The following ARHGEF10L variants were observed in gnomAD, a reference collection of about 807,000 sequenced individuals.
ARHGEF10L encodes the protein rho guanine nucleotide exchange factor 10-like protein.
In ARHGEF10L, 69 loss-of-function variants were observed where a neutral mutation model predicts 141.2. The observed-to-expected ratio is 0.49, with a 90% CI of 0.40 to 0.60. The LOEUF (loss-of-function observed/expected upper bound fraction) is 0.60. Ranked by LOEUF, ARHGEF10L falls within the 20% of genes least tolerant of loss-of-function variation. The pLI is 0.00. For synonymous variants in ARHGEF10L, 711 were observed against 718.5 expected, an observed-to-expected ratio of 0.99 and a Z score of 0.17; for missense variants, 1,482 against 1,734.3, an observed-to-expected ratio of 0.85 and a Z score of 2.58.
intron 4 of ARHGEF10L, among the ~76,000 whole-genome samples, chr1:17,599,647 C>G (rs1342711059): frequency 6.6e-6 from 1 of 152,176 alleles, no homozygotes; most frequent in Non-Finnish European, 1.5e-5. Flanking sequence ...CCATCACCCA[C>G]CTTCCTGGTC....
intron 18 of ARHGEF10L, among the ~76,000 whole-genome samples, chr1:17,636,813 C>T (rs2061029588): frequency 6.6e-6 from 1 of 152,148 alleles, no homozygotes; most frequent in Non-Finnish European, 1.5e-5. Flanking sequence ...AAGGCTTCCC[C>T]TCCACTCCCC....
chr1:17,684,624 A>G (rs989552545), intron 26 of ARHGEF10L, among the ~76,000 whole-genome samples: 1 of 152,274 alleles, frequency 6.6e-6, no homozygotes, highest in African/African-American at 2.4e-5. Context: ...GAGCATGCCC[A>G]GCTTGATACA....
chr1:17,618,060 G>C (rs899211532), intron 9 of ARHGEF10L, among the ~76,000 whole-genome samples: 2 of 152,240 alleles, frequency 1.3e-5, no homozygotes, highest in African/African-American at 4.8e-5. Flanking sequence ...GGCACAGGCT[G>C]GGTGCTCAGT....
chr1:17,681,440 G>C (rs2064121612), intron 26 of ARHGEF10L, among the ~76,000 whole-genome samples: 1 of 152,216 alleles, frequency 6.6e-6, no homozygotes, highest in Admixed American at 6.5e-5. Context: ...ATCACAGGCA[G>C]CCTTTGGTTT....
Position 17,623,531 on chromosome 1 carries a change from G to A in ARHGEF10L, c.1200+356G>A, listed in dbSNP as rs2060219577. Reference sequence around the variant, plus strand: ...GGGTTTCAAGCCAGTGTGAAATGCTGTGAAAGACCACAACTTTGGCCCGGA... The same window carrying A: ...GGGTTTCAAGCCAGTGTGAAATGCTATGAAAGACCACAACTTTGGCCCGGA... On this transcript the variant is annotated intron_variant, in intron 12 of 28. Transcript: ENST00000361221. The surrounding 1 kb of genome is among the most constrained non-coding windows in gnomAD (Gnocchi z 4.7). Among the ~76,000 whole-genome samples the A allele has an allele frequency of 6.6e-6, 1 of 152,196 alleles. No homozygotes were observed. Among genetic ancestry groups the A allele is most frequent in the South Asian group, 2.1e-4 (1 of 4,832 alleles).
intron 18 of ARHGEF10L, among the ~76,000 whole-genome samples, chr1:17,635,692 A>G (rs1557887958): frequency 6.6e-6 from 1 of 152,008 alleles, no homozygotes. Flanking sequence ...CCTCTGGTAC[A>G]TTTTCCCCTT....
At chr1:17,602,827 T>C (rs2080818949) in intron 5 of ARHGEF10L, among the ~76,000 whole-genome samples, 1 of 152,050 alleles carries the variant, frequency 6.6e-6, no homozygotes, top group African/African-American at 2.4e-5. Context: ...CTTTCAGTCC[T>C]GTTGCACTGG....
At chr1:17,529,518 G>T in the ARHGEF10L span, among the ~76,000 whole-genome samples, 4 of 152,250 alleles carry the variant, frequency 2.6e-5, no homozygotes, top group South Asian at 2.1e-4. Flanking sequence ...TCTGGGCTGG[G>T]TCTAAGGGGT....
chr1:17,612,975 C>T, intron 7 of ARHGEF10L, 83 bp from the exon 8 acceptor site: 1 of 935,388 alleles, frequency 1.1e-6, no homozygotes, highest in Non-Finnish European at 1.7e-6. Flanking sequence ...TCCTTTCTCC[C>T]CTGTTGTCTG....
chr1:17,655,783 C>A, intron 23 of ARHGEF10L, 96 bp from the exon 24 acceptor site: 2 of 1,134,824 alleles, frequency 1.8e-6, no homozygotes, highest in Non-Finnish European at 2.5e-6. Context: ...ATGCTTCTCT[C>A]AGGGGATGGG....
chr1:17,694,978 C>T lies in ARHGEF10L; in HGVS notation c.3185-180C>T, dbSNP rs569375456. ...AGGGGAGTGCTCAGCTGCAGGACCTCGTGGCCAGACCCCAGGCAGGTCAGC... is the reference window on the plus strand; with the variant it reads ...AGGGGAGTGCTCAGCTGCAGGACCTTGTGGCCAGACCCCAGGCAGGTCAGC... On this transcript the variant is annotated intron_variant, in intron 27 of 28. Coordinates refer to ENST00000361221, the MANE Select transcript of ARHGEF10L (RefSeq NM_018125.4). 2.5e-4 allele frequency: 212 copies of T among 862,290 alleles called. 2 individuals are homozygous for T. In the South Asian group the frequency reaches 2.5e-3, roughly 10 times the overall value. The allele number at this position is 862,290 out of a possible 1,614,324, so 53.4% of individuals were successfully genotyped here. A position where few individuals can be genotyped will look rare whatever the true frequency, so the allele number is the denominator to read the frequency against.
rs1369838294 is a variant in ARHGEF10L at position 17,656,999 on chromosome 1, C to G, written c.2860+291C>G. Reference sequence around the variant, plus strand: ...GGTTGGAGAGACCTGGCTTCCCGTTCAGGCTTTGCCCGATGACAGCTGTAT... The same window carrying G: ...GGTTGGAGAGACCTGGCTTCCCGTTGAGGCTTTGCCCGATGACAGCTGTAT... On this transcript the variant is annotated intron_variant, in intron 25 of 28. Transcript: ENST00000361221. This position sits in a 1 kb window ranked among gnomAD's most constrained non-coding sequence, Gnocchi z 4.9. Among the ~76,000 whole-genome samples the G allele has an allele frequency of 6.6e-6, 1 of 152,154 alleles. No individual in the cohort carries two copies. The highest frequency in any genetic ancestry group is 6.5e-5 in the Admixed American group (1 of 15,278).
At chr1:17,559,760 A>G (rs1423232540) in intron 1 of ARHGEF10L, among the ~76,000 whole-genome samples, 1 of 152,180 alleles carries the variant, frequency 6.6e-6, no homozygotes, top group Non-Finnish European at 1.5e-5. Context: ...GGTCTTCAGA[A>G]CAAGGTGCTA....
chr1:17,584,711 G>A (rs1005362714), intron 2 of ARHGEF10L, among the ~76,000 whole-genome samples: 2 of 152,324 alleles, frequency 1.3e-5, no homozygotes, highest in East Asian at 1.9e-4. Flanking sequence ...AAGGAAGAAC[G>A]TGCTAGGCCC....
At chr1:17,570,319 G>A (rs958435835) in intron 1 of ARHGEF10L, among the ~76,000 whole-genome samples, 1 of 152,258 alleles carries the variant, frequency 6.6e-6, no homozygotes, top group Non-Finnish European at 1.5e-5. Context: ...CAGGGCATGT[G>A]TGTGGGCTGT....
chr1:17,527,609 T>C, the ARHGEF10L span, among the ~76,000 whole-genome samples: 1 of 151,942 alleles, frequency 6.6e-6, no homozygotes, highest in Non-Finnish European at 1.5e-5. Context: ...GGAAAATGCT[T>C]GATCAGACTC....
rs180880576 is a variant in ARHGEF10L at position 17,692,687 on chromosome 1, T to C, written c.3185-2471T>C. Among the ~76,000 whole-genome samples, 1,204 of 152,274 alleles carry C rather than the reference T, an allele frequency of 7.9e-3. 10 individuals are homozygous for C. Among genetic ancestry groups the C allele is most frequent in the Middle Eastern group, 0.014 (4 of 294 alleles). ...CTCCCACTCCCACCCTCCACAACTG[T>C]AGCTAGAACGTTCCACTCAAATCAC... On this transcript the variant is annotated intron_variant, in intron 27 of 28. Transcript: ENST00000361221.
At chr1:17,523,239 C>G in the ARHGEF10L span, among the ~76,000 whole-genome samples, 1 of 151,992 alleles carries the variant, frequency 6.6e-6, no homozygotes, top group Non-Finnish European at 1.5e-5. Flanking sequence ...GTGCCCACCA[C>G]CACCACGCCC....
intron 25 of ARHGEF10L, 58 bp from the exon 26 acceptor site, chr1:17,664,389 C>G: frequency 1.9e-6 from 3 of 1,563,438 alleles, no homozygotes; most frequent in Non-Finnish European, 2.6e-6. Flanking sequence ...GGCCTGCGTT[C>G]CCAGGAGACC....
Sources: gnomAD v4.1 joint callset for allele counts (sites outside exome capture counted in the v4.1 genomes callset) on GRCh38, gnomAD v4.1.1 for gene constraint, Gnocchi (gnomAD v3.1) non-coding constraint, MANE v1.5 for transcripts, NCBI Gene and HGNC (gene_info 2026-07-23, HGNC 2026-07-21) for gene names.